Variants in KCNJ10 observed in about 807,000 individuals in gnomAD.
The protein encoded by KCNJ10 is ATP-sensitive inward rectifier potassium channel 10.
KCNJ10 carries 9 observed loss-of-function variants against 22.2 expected under a neutral mutation model. That is an observed-to-expected ratio of 0.40 (90% confidence interval 0.24 to 0.71). The LOEUF is 0.71. Ranked by LOEUF, KCNJ10 falls within the 30% of genes least tolerant of loss-of-function variation. The probability of loss-of-function intolerance (pLI) is 0.35; values close to 1 mark genes in which losing one functional copy is unlikely to be tolerated. For synonymous variants in KCNJ10, 184 were observed against 187.3 expected (o/e 0.98, Z 0.15); for missense variants, 337 against 482.7 (o/e 0.70, Z 2.83).
intron 1 of KCNJ10, among the ~76,000 whole-genome samples, chr1:160,065,916 T>C (rs1440457532): frequency 1.3e-5 from 2 of 152,022 alleles, no homozygotes. Flanking sequence ...AGGAGGCTGC[T>C]GTGGGCATCC....
intron 1 of KCNJ10, among the ~76,000 whole-genome samples, chr1:160,056,068 C>G (rs1649028699): frequency 6.6e-6 from 1 of 152,168 alleles, no homozygotes; most frequent in African/African-American, 2.4e-5. Context: ...CCTGCTTTCT[C>G]TCTTCCCCCT....
chr1:160,051,322 A>T (rs920059686), intron 1 of KCNJ10, among the ~76,000 whole-genome samples: 5 of 152,118 alleles, frequency 3.3e-5, no homozygotes, highest in Non-Finnish European at 7.4e-5. Context: ...ACATGGAAGG[A>T]GAGATGGAGG....
rs1214664706 is a variant in KCNJ10, at chr1:160,041,373, G to C, written c.*20C>G. Reference sequence around the variant, plus strand: ...AGAGAGGAAAAGAGACCAGAGGAATGGGGGAGTGGGAACAGGTCATCAGAC... The same window carrying C: ...AGAGAGGAAAAGAGACCAGAGGAATCGGGGAGTGGGAACAGGTCATCAGAC... On this transcript the variant is annotated 3_prime_UTR_variant, in exon 2 of 2. Transcript: ENST00000644903. The surrounding 1 kb of genome is among the most constrained non-coding windows in gnomAD (Gnocchi z 4.4). 6 of 1,607,338 alleles carry C rather than the reference G, an allele frequency of 3.7e-6. No individual in the cohort carries two copies.
intron 1 of KCNJ10, among the ~76,000 whole-genome samples, chr1:160,069,587 T>G (rs1649403073): frequency 6.6e-6 from 1 of 151,284 alleles, no homozygotes; most frequent in South Asian, 2.1e-4. Flanking sequence ...ATCATGGGTG[T>G]CACTATGTGA....
rs115956498 is a variant in KCNJ10, at chr1:160,047,224, C to G, written c.1-4692G>C. 2.8e-3 allele frequency among the ~76,000 whole-genome samples: 427 copies of G among 152,320 alleles called. 1 individual carries two copies. Among genetic ancestry groups the G allele is most frequent in the African/African-American group, 9.8e-3 (406 of 41,564 alleles). On this transcript the variant is annotated intron_variant, in intron 1 of 1. Coordinates refer to ENST00000644903, the MANE Select transcript of KCNJ10 (RefSeq NM_002241.5). ...TCAGGGCCTTTCTTGAGTAAGGACA[C>G]TGTTGTTCTTGTGACTCTCAATAAC... is the stretch of plus-strand genomic sequence containing the variant.
chr1:160,065,304 A>C (rs1053647092), intron 1 of KCNJ10, among the ~76,000 whole-genome samples: 2 of 152,174 alleles, frequency 1.3e-5, no homozygotes, highest in African/African-American at 4.8e-5. Context: ...AAGCGATCAG[A>C]AATGTTTCCT....
chr1:160,049,272 C>T (rs988142648), intron 1 of KCNJ10, among the ~76,000 whole-genome samples: 6 of 152,096 alleles, frequency 3.9e-5, no homozygotes, highest in African/African-American at 7.2e-5. Context: ...TAAGGCCTTC[C>T]GCAGTCTGCT....
At chr1:160,054,076 C>T (rs1648968219) in intron 1 of KCNJ10, among the ~76,000 whole-genome samples, 1 of 152,184 alleles carries the variant, frequency 6.6e-6, no homozygotes, top group South Asian at 2.1e-4. Flanking sequence ...CACAGGATGG[C>T]ATCTTGGGGA....
chr1:160,056,182 T>C (rs192298842), intron 1 of KCNJ10, among the ~76,000 whole-genome samples: 52 of 152,328 alleles, frequency 3.4e-4, no homozygotes, highest in African/African-American at 1.2e-3. Flanking sequence ...AATGGTCTCC[T>C]GGTTCTCTTG....
intron 1 of KCNJ10, among the ~76,000 whole-genome samples, chr1:160,056,476 C>A (rs1343917569): frequency 6.6e-6 from 1 of 152,200 alleles, no homozygotes; most frequent in Admixed American, 6.5e-5. Context: ...CTAGAACATC[C>A]TCTGCCTGCT....
intron 1 of KCNJ10, among the ~76,000 whole-genome samples, chr1:160,059,931 T>C (rs924645895): frequency 5.3e-5 from 8 of 152,228 alleles, no homozygotes; most frequent in African/African-American, 9.6e-5. Context: ...CTGAGCAATT[T>C]CTTCCTATTT....
chr1:160,067,172 C>G (rs1362547961), intron 1 of KCNJ10, among the ~76,000 whole-genome samples: 2 of 152,176 alleles, frequency 1.3e-5, no homozygotes, highest in East Asian at 3.9e-4. Context: ...GCCAGCCCCT[C>G]CCTTCCCCCA....
Position 160,041,218 on chromosome 1 carries a change from G to C in KCNJ10, c.*175C>G. ...CTGGGGAAGTGGAAAGGGGACAGTG[G>C]GAGGCGAACCTGGACTCCAGTTGGC... On this transcript the variant is annotated 3_prime_UTR_variant, in exon 2 of 2. Transcript: ENST00000644903. The surrounding 1 kb of genome is among the most constrained non-coding windows in gnomAD (Gnocchi z 4.4). 2 of 656,316 alleles carry C rather than the reference G, an allele frequency of 3.0e-6. No homozygotes were observed. Among genetic ancestry groups the C allele is most frequent in the South Asian group, 3.5e-5 (2 of 57,076 alleles). 40.7% of individuals were successfully genotyped at this position (656,316 alleles called of 1,614,324 possible).
chr1:160,050,927 G>T (rs1648887107), intron 1 of KCNJ10, among the ~76,000 whole-genome samples: 1 of 152,064 alleles, frequency 6.6e-6, no homozygotes, highest in Non-Finnish European at 1.5e-5. Context: ...GCTCCAGCCT[G>T]CTGGTCTGGT....
At chr1:160,049,677 A>G (rs2494210) in intron 1 of KCNJ10, among the ~76,000 whole-genome samples, 1 of 31,602 alleles carries the variant, frequency 3.2e-5, no homozygotes, top group East Asian at 9.7e-4. Flanking sequence ...TTATTTATTT[A>G]TATATATATA....
At chr1:160,067,658 T>G (rs1173014940) in intron 1 of KCNJ10, among the ~76,000 whole-genome samples, 1 of 151,984 alleles carries the variant, frequency 6.6e-6, no homozygotes, top group East Asian at 1.9e-4. Context: ...GTGGAGGTTT[T>G]TTTCTTCCGT....
At chr1:160,053,282 A>T (rs1044847625) in intron 1 of KCNJ10, among the ~76,000 whole-genome samples, 8 of 152,192 alleles carry the variant, frequency 5.3e-5, no homozygotes, top group African/African-American at 1.9e-4. Context: ...TACCAGTTCC[A>T]ACTTGAATAG....
chr1:160,053,340 AG>A (rs1648949151), intron 1 of KCNJ10, among the ~76,000 whole-genome samples: 2 of 152,340 alleles, frequency 1.3e-5, no homozygotes, highest in South Asian at 4.1e-4. Flanking sequence ...GGGATGAAAA[AG>A]AAGCACTTCT....
Position 160,039,359 on chromosome 1 carries a change from G to A in KCNJ10, c.*2034C>T, listed in dbSNP as rs192835895. Reference sequence around the variant, plus strand: ...CCAGATGGAGGTTAACTTGGCAATGGATAGGAAGGTATAGACACACACACA... The same window carrying A: ...CCAGATGGAGGTTAACTTGGCAATGAATAGGAAGGTATAGACACACACACA... On this transcript the variant is annotated 3_prime_UTR_variant, in exon 2 of 2. Coordinates refer to ENST00000644903, the MANE Select transcript of KCNJ10 (RefSeq NM_002241.5). 472 of 143,810 alleles carry A rather than the reference G, an allele frequency of 3.3e-3. 4 individuals carry two copies. The highest frequency in any genetic ancestry group is 2.8e-3 in the Non-Finnish European group (186 of 66,856). The allele number at this position is 143,810 out of a possible 1,614,324, so 8.9% of individuals were successfully genotyped here. A position where few individuals can be genotyped will look rare whatever the true frequency, so the allele number is the denominator to read the frequency against.
Sources: gnomAD v4.1 joint callset for allele counts (sites outside exome capture counted in the v4.1 genomes callset) on GRCh38, gnomAD v4.1.1 for gene constraint, Gnocchi (gnomAD v3.1) non-coding constraint, MANE v1.5 for transcripts, NCBI Gene and HGNC (gene_info 2026-07-23, HGNC 2026-07-21) for gene names.